Variants in LAMB3 observed in about 807,000 individuals in gnomAD.
LAMB3 encodes the protein laminin subunit beta 3.
A neutral mutation model predicts 140.3 loss-of-function variants in LAMB3; 104 were observed. The observed-to-expected ratio is 0.74, with a 90% CI of 0.63 to 0.87. The LOEUF (loss-of-function observed/expected upper bound fraction) is 0.87. LAMB3 is among the 40% of genes least tolerant of loss of function. LAMB3 has a pLI of 0.00. For missense variants in LAMB3, 1,531 were observed against 1,575.2 expected, an observed-to-expected ratio of 0.97 and a Z score of 0.47; for synonymous variants, 592 against 602.9, an observed-to-expected ratio of 0.98 and a Z score of 0.26.
chr1:209,616,764 C>A, intron 21 of LAMB3, 140 bp from the exon 22 acceptor site: 1 of 802,134 alleles, frequency 1.2e-6, no homozygotes, highest in Non-Finnish European at 2.1e-6. Flanking sequence ...TTGGTTTTGC[C>A]TATTGAAACC....
intron 2 of LAMB3, 26 bp from the exon 3 acceptor site, chr1:209,650,144 A>G: frequency 1.2e-6 from 2 of 1,603,362 alleles, no homozygotes; most frequent in Non-Finnish European, 1.7e-6. Context: ...TGTGTGATGG[A>G]GCAGTCCAGA....
chr1:209,618,423 A>G (rs1487198595), intron 19 of LAMB3, 29 bp downstream of exon 19: 1 of 1,608,026 alleles, frequency 6.2e-7, no homozygotes, highest in Admixed American at 1.7e-5. Flanking sequence ...AATCCTGGGC[A>G]GAGAGAAGTT....
intron 3 of LAMB3, among the ~76,000 whole-genome samples, chr1:209,641,112 AAAG>A (rs1364946639): frequency 1.3e-5 from 2 of 151,614 alleles, no homozygotes; most frequent in East Asian, 3.9e-4. Context: ...AAAAAAAAAA[AAAG>A]AAAGAAAAAT....
rs1666261853 is a variant in LAMB3 at position 209,623,031 on chromosome 1, G to A, written c.2507C>T (p.Ala836Val). 2 of 1,613,970 alleles carry A rather than the reference G, an allele frequency of 1.2e-6. No individual in the cohort carries two copies. Among genetic ancestry groups the A allele is most frequent in the African/African-American group, 1.3e-5 (1 of 75,022 alleles). Residue 836 changes from alanine (A) to valine (V), a missense_variant, in exon 17 of 23, where the codon GCT becomes GTT. By Grantham distance (64) the Ala-to-Val change is moderately conservative. Coordinates refer to ENST00000356082, the MANE Select transcript of LAMB3 (RefSeq NM_000228.3). The surrounding 1 kb of genome is among the most constrained non-coding windows in gnomAD (Gnocchi z 4.2). ...GGCATTGAAGCCCCGCAGCTGCTCA[G>A]CCACCTGCCCCGCCATCAAGAAGGC... ...GGAFLMAGQV[A>V]EQLRGFNAQL...
In LAMB3 at chr1:209,623,952, C is replaced by A. The variant is rs766896825; in HGVS notation, c.2025G>T (p.Thr675=). 1.2e-6 allele frequency: 2 copies of A among 1,614,044 alleles called. No individual in the cohort carries two copies. Among genetic ancestry groups the A allele is most frequent in the Non-Finnish European group, 8.5e-7 (1 of 1,179,962 alleles). ...LQLDLPLEEE[T]LSLPRDLESL... is the part of the protein sequence containing the mutation. ...TCTCCAGGTCTCTCGGAAGGGACAA[C>A]GTCTCCTCCTCCAGGGGCAGATCCA... Residue 675 remains threonine, a synonymous_variant, in exon 15 of 23, where the codon ACG becomes ACT. Coordinates refer to ENST00000356082, the MANE Select transcript of LAMB3 (RefSeq NM_000228.3). This position sits in a 1 kb window ranked among gnomAD's most constrained non-coding sequence, Gnocchi z 4.2.
chr1:209,627,730 C>CT, intron 11 of LAMB3, 151 bp from the exon 12 acceptor site: 1 of 812,624 alleles, frequency 1.2e-6, no homozygotes, highest in Non-Finnish European at 2.0e-6. Flanking sequence ...GACCCCTGCG[C>CT]TGTCCCACCA....
chr1:209,617,773 G>T (rs1666026604), intron 20 of LAMB3, 134 bp downstream of exon 20: 1 of 1,317,848 alleles, frequency 7.6e-7, no homozygotes, highest in Non-Finnish European at 1.1e-6. Context: ...CCCATAGCCT[G>T]CCCAAAGCTT....
chr1:209,616,573 G>T lies in LAMB3; in HGVS notation c.3280C>A (p.Gln1094Lys). 8.1e-6 allele frequency: 13 copies of T among 1,614,116 alleles called. No homozygotes were observed. Among genetic ancestry groups the T allele is most frequent in the Non-Finnish European group, 1.1e-5 (13 of 1,180,010 alleles). The change falls in exon 22 of 23, where the codon CAG (glutamine) becomes AAG (lysine). Residue 1094 changes from glutamine to lysine, a missense_variant. Physicochemically the swap from Gln to Lys is moderately conservative, Grantham distance 53. Coordinates refer to ENST00000356082, the MANE Select transcript of LAMB3 (RefSeq NM_000228.3). Reference sequence around the variant, plus strand: ...CCCTGCTCACCCAGCATGGAACTCTGACCCAACCGGTCCTTCAACTCAGCA... The same window carrying T: ...CCCTGCTCACCCAGCATGGAACTCTTACCCAACCGGTCCTTCAACTCAGCA... ...KYAELKDRLG[Q>K]SSMLGEQGAR... is the part of the protein sequence containing the mutation.
At chr1:209,639,574 G>A (rs11808303) in intron 3 of LAMB3, among the ~76,000 whole-genome samples, 4,582 of 152,168 alleles carry the variant, frequency 0.03, 218 homozygotes, top group African/African-American at 0.11. Context: ...CCAGAGAGGC[G>A]ATATATCCCT....
chr1:209,632,449 G>A, intron 8 of LAMB3, 134 bp downstream of exon 8: 1 of 659,464 alleles, frequency 1.5e-6, no homozygotes, highest in Non-Finnish European at 2.6e-6. Flanking sequence ...TCGATTTTTT[G>A]TTGTTGCTGC....
intron 10 of LAMB3, among the ~76,000 whole-genome samples, chr1:209,628,567 C>T (rs1335572901): frequency 2.6e-5 from 4 of 152,030 alleles, no homozygotes; most frequent in African/African-American, 4.8e-5. Flanking sequence ...CACGGTGGCG[C>T]ATGCCTGTAA....
In LAMB3 at chr1:209,623,456, C is replaced by A. The variant is rs940344734; in HGVS notation, c.2358+49G>T. On this transcript the variant is annotated intron_variant, in intron 16 of 22. Coordinates refer to ENST00000356082, the MANE Select transcript of LAMB3 (RefSeq NM_000228.3). This position sits in a 1 kb window ranked among gnomAD's most constrained non-coding sequence, Gnocchi z 4.2. ...GCAGGTGGCAGCAGTTGGTGTGTGACAAGCTGGGGTGTGGGCTCCAGGAAG... is the reference window on the plus strand; with the variant it reads ...GCAGGTGGCAGCAGTTGGTGTGTGAAAAGCTGGGGTGTGGGCTCCAGGAAG... The A allele has an allele frequency of 6.4e-7, 1 of 1,564,996 alleles. No homozygotes were observed. Among genetic ancestry groups the A allele is most frequent in the Non-Finnish European group, 8.8e-7 (1 of 1,135,218 alleles).
At position 209,615,115 on chromosome 1, in the gene LAMB3, C is replaced by T. The variant is rs1337998765; in HGVS notation, c.*156G>A. 1 of 818,460 alleles carries T rather than the reference C, an allele frequency of 1.2e-6. No homozygotes were observed. Among genetic ancestry groups the T allele is most frequent in the Non-Finnish European group, 1.9e-6 (1 of 513,712 alleles). The allele number at this position is 818,460 out of a possible 1,614,324, so 50.7% of individuals were successfully genotyped here. ...CATTGGCTCAGGCTCAGCTGCAGCT[C>T]AGGGTAATCTTACTAGCTACACACC... On this transcript the variant is annotated 3_prime_UTR_variant, in exon 23 of 23. Coordinates refer to ENST00000356082, the MANE Select transcript of LAMB3 (RefSeq NM_000228.3).
chr1:209,636,586 C>T (rs755594892), intron 5 of LAMB3, among the ~76,000 whole-genome samples: 1 of 152,202 alleles, frequency 6.6e-6, no homozygotes, highest in Non-Finnish European at 1.5e-5. Context: ...CAGCCCTCCA[C>T]ATCCCTGCCT....
chr1:209,638,934 T>C lies in LAMB3; in HGVS notation c.184-286A>G, dbSNP rs10127604. On this transcript the variant is annotated intron_variant, in intron 3 of 22. Transcript: ENST00000356082. ...AGGTGGGAAAAAATACTTGAGTATA[T>C]GATATTGCCTTGCAGAGAAACTTGA... Among the ~76,000 whole-genome samples the C allele has an allele frequency of 0.12, 17,327 of 148,620 alleles. 1,592 individuals carry two copies. Among genetic ancestry groups the C allele is most frequent in the East Asian group, 0.26 (1,301 of 5,042 alleles).
chr1:209,650,361 T>C (rs1393424476), intron 2 of LAMB3, among the ~76,000 whole-genome samples: 5 of 152,218 alleles, frequency 3.3e-5, no homozygotes, highest in Non-Finnish European at 5.9e-5. Flanking sequence ...CCAAAAACCA[T>C]AGATGACCCT....
intron 17 of LAMB3, 118 bp downstream of exon 17, chr1:209,622,864 T>G (rs927866087): frequency 1.5e-6 from 2 of 1,372,100 alleles, no homozygotes; most frequent in African/African-American, 1.4e-5. Flanking sequence ...TGTGGCACCT[T>G]AAGCAGGTCA....
chr1:209,651,305 GA>G, intron 1 of LAMB3: 1 of 338,730 alleles, frequency 3.0e-6, no homozygotes. Context: ...TGGGGAGCAG[GA>G]AAAGGCTGGA....
chr1:209,632,068 C>A (rs1666711460), intron 8 of LAMB3, among the ~76,000 whole-genome samples: 1 of 152,234 alleles, frequency 6.6e-6, no homozygotes, highest in Admixed American at 6.5e-5. Flanking sequence ...CCCATCCCTG[C>A]TGAAGCCAAT....
Sources: gnomAD v4.1 joint callset for allele counts (sites outside exome capture counted in the v4.1 genomes callset) on GRCh38, gnomAD v4.1.1 for gene constraint, Gnocchi (gnomAD v3.1) non-coding constraint, MANE v1.5 for transcripts, NCBI Gene and HGNC (gene_info 2026-07-23, HGNC 2026-07-21) for gene names.